CFH: variants seen among roughly 807,000 people sequenced by gnomAD.
CFH encodes the protein complement factor H, also known as H factor 1 (complement).
CFH carries 53 observed loss-of-function variants against 147.3 expected under a neutral mutation model. The observed-to-expected ratio is 0.36, with a 90% CI of 0.29 to 0.45. The LOEUF is 0.45. CFH is among the 20% of genes least tolerant of loss of function. The pLI, the probability that CFH is intolerant of heterozygous loss-of-function variation, is 1.00. For missense variants in CFH, 1,380 were observed against 1,498.0 expected (o/e 0.92, Z 1.30); for synonymous variants, 536 against 489.4 (o/e 1.10, Z -1.26).
chr1:196,728,579 A>T (rs1669204908), intron 15 of CFH, 57 bp downstream of exon 15: 1 of 1,534,624 alleles, frequency 6.5e-7, no homozygotes, highest in Admixed American at 1.7e-5. Context: ...GAAAAGTAAT[A>T]GGTATGTGTG....
intron 4 of CFH, 145 bp from the exon 5 acceptor site, chr1:196,677,331 T>C (rs1281381620): frequency 1.4e-6 from 1 of 700,390 alleles, no homozygotes; most frequent in Non-Finnish European, 2.4e-6. Context: ...AAAGTATCTC[T>C]AGCAAACAGG....
chr1:196,693,562 T>A (rs1386244210), intron 9 of CFH, among the ~76,000 whole-genome samples: 1 of 152,128 alleles, frequency 6.6e-6, no homozygotes, highest in Non-Finnish European at 1.5e-5. Context: ...ACTAACAGGC[T>A]GGTGCATACA....
At chr1:196,705,200 A>ATTT (rs59788901) in intron 9 of CFH, among the ~76,000 whole-genome samples, 23 of 149,904 alleles carry the variant, frequency 1.5e-4, no homozygotes, top group African/African-American at 4.7e-4. Flanking sequence ...CTGGCTTTAC[A>ATTT]TTTTTTTTTT....
chr1:196,667,450 T>G (rs1203490760), intron 1 of CFH, among the ~76,000 whole-genome samples: 1 of 152,212 alleles, frequency 6.6e-6, no homozygotes, highest in Non-Finnish European at 1.5e-5. Flanking sequence ...GACTCTCTTT[T>G]TATCTAATAA....
chr1:196,703,844 C>T (rs979064485), intron 9 of CFH, among the ~76,000 whole-genome samples: 3 of 151,578 alleles, frequency 2.0e-5, no homozygotes, highest in Non-Finnish European at 4.4e-5. Flanking sequence ...ATTAGTCGGG[C>T]ATGGTGGTGG....
intron 3 of CFH, among the ~76,000 whole-genome samples, chr1:196,675,245 T>C (rs1251623970): frequency 1.3e-5 from 2 of 152,102 alleles, no homozygotes; most frequent in Non-Finnish European, 2.9e-5. Context: ...CATATTCAAG[T>C]AGAGCATTTT....
At chr1:196,736,775 AT>A (rs1315308470) in intron 15 of CFH, 48 bp from the exon 16 acceptor site, 102 of 945,076 alleles carry the variant, frequency 1.1e-4, no homozygotes, top group Admixed American at 1.7e-4. Context: ...TAATATTTTT[AT>A]TTTTTATTTT....
chr1:196,741,306 T>C (rs887180971), intron 18 of CFH: 7 of 180,046 alleles, frequency 3.9e-5, no homozygotes, highest in Admixed American at 2.7e-4. Flanking sequence ...CAGTTCCTCA[T>C]GACTGAGGAG....
intron 11 of CFH, among the ~76,000 whole-genome samples, chr1:196,719,361 A>G (rs1480990486): frequency 6.6e-6 from 1 of 151,972 alleles, no homozygotes; most frequent in African/African-American, 2.4e-5. Context: ...CACATACAAA[A>G]AAAAGAATTG....
chr1:196,673,289 CT>C (rs967536657), intron 2 of CFH, 126 bp downstream of exon 2: 3,797 of 838,268 alleles, frequency 4.5e-3, no homozygotes, highest in Non-Finnish European at 5.1e-3. Context: ...AATACATAAT[CT>C]TTTTTTTTTG....
At chr1:196,734,726 C>T (rs1317119628) in intron 15 of CFH, among the ~76,000 whole-genome samples, 2 of 151,792 alleles carry the variant, frequency 1.3e-5, no homozygotes, top group African/African-American at 2.4e-5. Context: ...CTTTCATCCT[C>T]AATATTGATC....
Position 196,729,053 on chromosome 1 carries a change from T to C in CFH, c.2413+531T>C, listed in dbSNP as rs755122861. On this transcript the variant is annotated intron_variant, in intron 15 of 21. Transcript: ENST00000367429. ...AGTTAGTCATATTGACACATACAGT[T>C]TCACTTGAATAGTGTAGGTTTTATT... Among the ~76,000 whole-genome samples, 51 of 152,120 alleles carry C rather than the reference T, an allele frequency of 3.4e-4. 1 individual carries two copies. The highest frequency in any genetic ancestry group is 8.8e-5 in the Non-Finnish European group (6 of 68,006).
At chr1:196,725,072 G>GGCA in intron 11 of CFH, 49 bp from the exon 12 acceptor site, 1 of 1,491,680 alleles carries the variant, frequency 6.7e-7, no homozygotes, top group Non-Finnish European at 9.2e-7. Context: ...AATTAACTTT[G>GGCA]GCAATGATTA....
intron 9 of CFH, among the ~76,000 whole-genome samples, chr1:196,709,794 GA>G (rs560484060): frequency 6.6e-6 from 1 of 150,668 alleles, no homozygotes; most frequent in African/African-American, 2.4e-5. Flanking sequence ...TTCTGCATAT[GA>G]AAAAAAAACC....
chr1:196,693,955 GGTGTGTGTGTGTGT>G (rs71567586), intron 9 of CFH, among the ~76,000 whole-genome samples: 76 of 142,756 alleles, frequency 5.3e-4, no homozygotes, highest in African/African-American at 1.7e-3. Context: ...TTAGATAAAT[GGTGTGTGTGTGTGT>G]GTGTGTGTGT....
intron 1 of CFH, among the ~76,000 whole-genome samples, chr1:196,656,331 AG>A (rs1279230843): frequency 1.3e-5 from 2 of 151,770 alleles, no homozygotes; most frequent in African/African-American, 4.8e-5. Flanking sequence ...AAAGAAAGAA[AG>A]AAAGAAAGAA....
At chr1:196,671,961 A>G (rs1667297126) in intron 1 of CFH, among the ~76,000 whole-genome samples, 2 of 151,728 alleles carry the variant, frequency 1.3e-5, no homozygotes, top group Admixed American at 6.6e-5. Flanking sequence ...GCTCTTAAAT[A>G]TCATCCAGAG....
In CFH at chr1:196,715,779, G is replaced by A. The variant is rs760597814; in HGVS notation, c.1696+10G>A. 1.5e-5 allele frequency: 24 copies of A among 1,577,406 alleles called. No individual in the cohort carries two copies. The highest frequency in any genetic ancestry group is 1.9e-5 in the Non-Finnish European group (22 of 1,160,422). On this transcript the variant is annotated intron_variant, in intron 11 of 21. Coordinates refer to ENST00000367429, the MANE Select transcript of CFH (RefSeq NM_000186.4). ...TTACCCATATGTTATGGTAAGTACT[G>A]GTTTTTCAGAAATTCATTTTCAAAA...
At chr1:196,658,756 G>A (rs1277872591) in intron 1 of CFH, among the ~76,000 whole-genome samples, 4 of 151,900 alleles carry the variant, frequency 2.6e-5, no homozygotes, top group African/African-American at 9.7e-5. Context: ...TTTTTGTAGA[G>A]ACAGGGTTTC....
Sources: gnomAD v4.1 joint callset for allele counts (sites outside exome capture counted in the v4.1 genomes callset) on GRCh38, gnomAD v4.1.1 for gene constraint, MANE v1.5 for transcripts, NCBI Gene and HGNC (gene_info 2026-07-23, HGNC 2026-07-21) for gene names.